Variants in PRKDC observed in about 807,000 individuals in gnomAD.
The protein encoded by PRKDC is DNA-dependent protein kinase catalytic subunit.
A neutral mutation model predicts 486.9 loss-of-function variants in PRKDC; 82 were observed. The observed-to-expected ratio is 0.17, with a 90% CI of 0.14 to 0.20. The LOEUF (loss-of-function observed/expected upper bound fraction) is 0.20. Among genes scored for constraint, PRKDC ranks in the 10% least tolerant of loss-of-function variants. The pLI, the probability that PRKDC is intolerant of heterozygous loss-of-function variation, is 1.00. For synonymous variants in PRKDC, 1,895 were observed against 1,837.0 expected (o/e 1.03, Z -0.81); for missense variants, 4,504 against 5,038.2 (o/e 0.89, Z 3.21).
chr8:47,800,883 G>T lies in PRKDC; in HGVS notation c.10026C>A (p.Ser3342Arg). 1 of 1,613,754 alleles carries T rather than the reference G, an allele frequency of 6.2e-7. No homozygotes were observed. Among genetic ancestry groups the T allele is most frequent in the South Asian group, 1.1e-5 (1 of 91,004 alleles). ...TTTCAGCAAGGCAGGCTGGCTCACT[G>T]CTGAGAGCATTCGCTATGATCCTGT... Reference protein sequence around the residue: ...TTYRIIANALSSEPACLAEIE... With the variant: ...TTYRIIANALRSEPACLAEIE... Residue 3342 changes from serine (S) to arginine (R), a missense_variant, in exon 71 of 86, where the codon AGC becomes AGA. By Grantham distance (110) the Ser-to-Arg change is moderately radical. Coordinates refer to ENST00000314191, the MANE Select transcript of PRKDC (RefSeq NM_006904.7).
At chr8:47,795,121 C>T (rs527252736) in intron 73 of PRKDC, among the ~76,000 whole-genome samples, 2 of 151,666 alleles carry the variant, frequency 1.3e-5, no homozygotes, top group South Asian at 2.1e-4. Context: ...CTCTTGACCT[C>T]GTGACCTGCC....
chr8:47,896,107 C>T (rs1317656667), intron 30 of PRKDC, among the ~76,000 whole-genome samples: 1 of 152,014 alleles, frequency 6.6e-6, no homozygotes, highest in Non-Finnish European at 1.5e-5. Flanking sequence ...CACAGATATA[C>T]ATTTCTATTA....
chr8:47,851,797 C>T (rs757122485), intron 52 of PRKDC, among the ~76,000 whole-genome samples: 31 of 152,100 alleles, frequency 2.0e-4, no homozygotes, highest in East Asian at 5.8e-4. Flanking sequence ...AGGAGGAGGA[C>T]GGGAGCCAAG....
Position 47,934,466 on chromosome 8 carries a change from G to A in PRKDC, c.1498-376C>T, listed in dbSNP as rs114193474. On this transcript the variant is annotated intron_variant, in intron 14 of 85. Transcript: ENST00000314191. Reference sequence around the variant, plus strand: ...AGGAGAATCGCTTGAACCTTGGAGGGGAAGGTTGCAGTGAGCCAAGATCGT... The same window carrying A: ...AGGAGAATCGCTTGAACCTTGGAGGAGAAGGTTGCAGTGAGCCAAGATCGT... Among the ~76,000 whole-genome samples the A allele has an allele frequency of 4.8e-3, 723 of 152,192 alleles. 6 individuals are homozygous for A. The highest frequency in any genetic ancestry group is 0.016 in the African/African-American group (685 of 41,528).
Position 47,782,113 on chromosome 8 carries a change from A to T in PRKDC, c.11489+49T>A. ...CACGGCCCCGACCTGCCACTGGAGA[A>T]GTGAGGGGAGGCGACTGCTGGGGGA... On this transcript the variant is annotated intron_variant, in intron 80 of 85. Transcript: ENST00000314191. The surrounding 1 kb of genome is among the most constrained non-coding windows in gnomAD (Gnocchi z 4.9). The T allele has an allele frequency of 6.5e-7, 1 of 1,534,380 alleles. No homozygotes were observed. Among genetic ancestry groups the T allele is most frequent in the Non-Finnish European group, 9.0e-7 (1 of 1,108,746 alleles).
chr8:47,863,713 T>C, intron 41 of PRKDC, 136 bp from the exon 42 acceptor site: 1 of 684,926 alleles, frequency 1.5e-6, no homozygotes, highest in Non-Finnish European at 2.3e-6. Context: ...ATCACTTCAA[T>C]AAGAAAGCAT....
intron 31 of PRKDC, among the ~76,000 whole-genome samples, chr8:47,891,967 C>T (rs1285486823): frequency 2.0e-5 from 3 of 152,026 alleles, no homozygotes; most frequent in Non-Finnish European, 4.4e-5. Flanking sequence ...CTCCGGGGTT[C>T]AAACAATTCT....
chr8:47,876,239 C>T (rs1253634788), intron 40 of PRKDC, among the ~76,000 whole-genome samples: 1 of 152,162 alleles, frequency 6.6e-6, no homozygotes, highest in African/African-American at 2.4e-5. Context: ...AGTTTATGAT[C>T]TGTAAAATAC....
chr8:47,782,711 T>C lies in PRKDC; in HGVS notation c.11176-113A>G. The C allele has an allele frequency of 8.2e-7, 1 of 1,215,454 alleles. No individual in the cohort carries two copies. The highest frequency in any genetic ancestry group is 2.2e-5 in the Admixed American group (1 of 45,492). The allele number at this position is 1,215,454 out of a possible 1,614,324, so 75.3% of individuals were successfully genotyped here. On this transcript the variant is annotated intron_variant, in intron 78 of 85. Transcript: ENST00000314191. This position sits in a 1 kb window ranked among gnomAD's most constrained non-coding sequence, Gnocchi z 4.9. ...CCGTGGGGCCGCCCTCTGAAGACAG[T>C]GCCAAAGAGCAGAGCGCCCAGGCCA...
intron 19 of PRKDC, 32 bp from the exon 20 acceptor site, chr8:47,927,922 T>C (rs754059186): frequency 1.4e-6 from 2 of 1,429,976 alleles, no homozygotes; most frequent in South Asian, 3.4e-5. Flanking sequence ...AATGTATATC[T>C]GAATAGAGCC....
intron 38 of PRKDC, 76 bp from the exon 39 acceptor site, chr8:47,879,734 A>T (rs1300704150): frequency 8.1e-7 from 1 of 1,238,196 alleles, no homozygotes; most frequent in Non-Finnish European, 1.1e-6. Context: ...AAATTACTGT[A>T]AGACATTGCA....
In PRKDC at chr8:47,826,822, G is replaced by A; in HGVS notation, c.8617C>T (p.Pro2873Ser). The change falls in exon 63 of 86, where the codon CCA becomes TCA. Residue 2873 changes from proline (P) to serine (S), a missense_variant. This residue lies in a region of PRKDC where 1,592 missense variants were observed against 1,724.6 expected (regional missense o/e 0.92). Coordinates refer to ENST00000314191, the MANE Select transcript of PRKDC (RefSeq NM_006904.7). ...CQHAALLSLD[P>S]AAVSAGCLAS... ...AGGCAACCAGCGCTAACAGCCGCTG[G>A]GTCGAGGCTCAGCAGGGCTGCGTGC... The A allele has an allele frequency of 4.4e-6, 7 of 1,602,622 alleles. No individual in the cohort carries two copies. Among genetic ancestry groups the A allele is most frequent in the Non-Finnish European group, 6.0e-6 (7 of 1,173,962 alleles).
At chr8:47,854,889 G>C (rs1038689478) in intron 50 of PRKDC, among the ~76,000 whole-genome samples, 4 of 151,926 alleles carry the variant, frequency 2.6e-5, no homozygotes, top group Non-Finnish European at 5.9e-5. Context: ...AAACTTTTTG[G>C]AAGTTTTAGC....
chr8:47,844,547 C>T (rs1448056409), intron 54 of PRKDC, among the ~76,000 whole-genome samples: 2 of 152,148 alleles, frequency 1.3e-5, no homozygotes, highest in Admixed American at 1.3e-4. Context: ...GGACCCAATA[C>T]ATCTACAGCA....
At chr8:47,906,242 G>A (rs183203218) in intron 25 of PRKDC, among the ~76,000 whole-genome samples, 1 of 152,318 alleles carries the variant, frequency 6.6e-6, no homozygotes, top group Admixed American at 6.5e-5. Flanking sequence ...AGCTACTCAG[G>A]AGGCTGAGAT....
At chr8:47,907,674 A>G (rs2089816049) in intron 25 of PRKDC, among the ~76,000 whole-genome samples, 1 of 151,266 alleles carries the variant, frequency 6.6e-6, no homozygotes, top group Non-Finnish European at 1.5e-5. Context: ...AGCTGGGATT[A>G]CAGGCGTCCA....
intron 29 of PRKDC, 28 bp from the exon 30 acceptor site, chr8:47,897,322 G>A (rs768880504): frequency 6.6e-7 from 1 of 1,525,448 alleles, no homozygotes; most frequent in East Asian, 2.3e-5. Context: ...ACTGTCATTA[G>A]TCCCTCTCCA....
chr8:47,830,146 G>A (rs888980957), intron 61 of PRKDC, among the ~76,000 whole-genome samples: 2 of 152,188 alleles, frequency 1.3e-5, no homozygotes, highest in South Asian at 4.2e-4. Context: ...AATAAGTATC[G>A]CCCATAATTA....
intron 42 of PRKDC, 43 bp from the exon 43 acceptor site, chr8:47,862,584 CA>C: frequency 6.5e-7 from 1 of 1,534,766 alleles, no homozygotes; most frequent in Non-Finnish European, 8.8e-7. Flanking sequence ...CACAACATGG[CA>C]ATCACTGCTC....
Sources: allele counts gnomAD v4.1 joint callset (sites outside exome capture counted in the v4.1 genomes callset), GRCh38; gene constraint gnomAD v4.1.1; regional missense constraint gnomAD v4.1.1; non-coding constraint Gnocchi (gnomAD v3.1); transcripts MANE v1.5; gene names NCBI Gene and HGNC (gene_info 2026-07-23, HGNC 2026-07-21).